Variants in LMLN observed in about 807,000 individuals in gnomAD.
The protein encoded by LMLN is leishmanolysin like peptidase.
LMLN carries 70 observed loss-of-function variants against 92.3 expected under a neutral mutation model. That is an observed-to-expected ratio of 0.76 (90% CI 0.63 to 0.92). The LOEUF (loss-of-function observed/expected upper bound fraction) is 0.92. Ranked by LOEUF, LMLN falls within the 40% of genes least tolerant of loss-of-function variation. The probability of loss-of-function intolerance (pLI) is 0.00; values close to 1 mark genes in which losing one functional copy is unlikely to be tolerated. For synonymous variants in LMLN, 308 were observed against 296.2 expected (o/e 1.04, Z -0.41); for missense variants, 691 against 814.6 (o/e 0.85, Z 1.85).
chr3:197,975,385 C>T (rs1721341157), intron 3 of LMLN, among the ~76,000 whole-genome samples: 1 of 152,152 alleles, frequency 6.6e-6, no homozygotes, highest in Admixed American at 6.5e-5. Context: ...AACACATTGA[C>T]AACACTGTTC....
At chr3:198,033,227 C>T (rs1167556561) in intron 14 of LMLN, among the ~76,000 whole-genome samples, 1 of 152,128 alleles carries the variant, frequency 6.6e-6, no homozygotes, top group Non-Finnish European at 1.5e-5. Context: ...TAACATCTGC[C>T]CGGCAGTAGT....
intron 9 of LMLN, 54 bp from the exon 10 acceptor site, chr3:197,996,121 A>T (rs769829740): frequency 5.3e-6 from 5 of 946,306 alleles, no homozygotes; most frequent in Non-Finnish European, 7.8e-6. Flanking sequence ...GTTTGCTGTT[A>T]TCTTACGGTA....
intron 8 of LMLN, among the ~76,000 whole-genome samples, chr3:197,989,211 A>G (rs1360679424): frequency 2.0e-5 from 3 of 152,134 alleles, no homozygotes; most frequent in Non-Finnish European, 2.9e-5. Flanking sequence ...AACGCACCAC[A>G]CCGCTCCTGT....
At chr3:197,960,965 T>A (rs142812897) in intron 1 of LMLN, among the ~76,000 whole-genome samples, 149 of 152,272 alleles carry the variant, frequency 9.8e-4, no homozygotes, top group African/African-American at 3.3e-3. Context: ...TCACGTTATG[T>A]CGTCACTTTG....
At position 197,989,690 on chromosome 3, in the gene LMLN, T is replaced by C. The variant is rs74595608; in HGVS notation, c.930-869T>C. On this transcript the variant is annotated intron_variant, in intron 8 of 15. Coordinates refer to ENST00000330198, the Ensembl canonical transcript of LMLN. The stretch of plus-strand genomic sequence containing the variant: ...TGTCTCTTTATCTGCAAAATAGTGA[T>C]GATAATCTCATAGGGTTGTTGAAAA... Among the ~76,000 whole-genome samples, 85 of 152,328 alleles carry C rather than the reference T, an allele frequency of 5.6e-4. No homozygotes were observed. In the East Asian group the frequency reaches 0.011, roughly 19 times the overall value.
rs771278671 is a variant in LMLN at position 197,960,270 on chromosome 3, G to A, written c.49G>A (p.Val17Met). The change falls in exon 1 of 16, where the codon GTG becomes ATG. Residue 17 changes from valine to methionine, a missense_variant. By Grantham distance (21) the Val-to-Met change is conservative. Around this residue, in one of 4 missense-constraint regions of LMLN, gnomAD observed 91 missense variants for 52.5 expected, o/e 1.73. Coordinates refer to ENST00000330198, the Ensembl canonical transcript of LMLN. ...GATGGCGGCCGAATGGGGCGGAGGA[G>A]TGGGTTACTCGGGCTCAGGCCCGGG... The A allele has an allele frequency of 5.6e-6, 9 of 1,613,372 alleles. No homozygotes were observed. The African/African-American group carries it at 1.2e-4, about 22-fold the overall frequency.
chr3:197,967,260 T>C (rs1721084867), intron 1 of LMLN, among the ~76,000 whole-genome samples: 1 of 152,248 alleles, frequency 6.6e-6, no homozygotes, highest in Non-Finnish European at 1.5e-5. Flanking sequence ...CCCCAATATT[T>C]CAAAGTAGGT....
intron 13 of LMLN, among the ~76,000 whole-genome samples, 197 bp from the exon 15 acceptor site, chr3:198,024,461 C>T (rs1436721992): frequency 3.3e-5 from 5 of 152,162 alleles, no homozygotes; most frequent in Non-Finnish European, 7.3e-5. Context: ...GTGATCTGCC[C>T]ACCTCAGCCT....
chr3:197,973,764 A>T (rs1721294618), intron 1 of LMLN, among the ~76,000 whole-genome samples: 1 of 152,256 alleles, frequency 6.6e-6, no homozygotes, highest in Non-Finnish European at 1.5e-5. Context: ...ATCTGCAGAA[A>T]TAGTATAAAA....
chr3:197,978,718 C>T (rs969455478), intron 5 of LMLN, among the ~76,000 whole-genome samples: 3 of 152,132 alleles, frequency 2.0e-5, no homozygotes, highest in African/African-American at 4.8e-5. Context: ...AGGTCAGGCA[C>T]GGTGGCTTAT....
intron 1 of LMLN, among the ~76,000 whole-genome samples, chr3:197,962,964 A>T (rs1720947110): frequency 6.6e-6 from 1 of 152,114 alleles, no homozygotes; most frequent in Non-Finnish European, 1.5e-5. Flanking sequence ...AGGCTCAAAG[A>T]CAGATCCATA....
At chr3:198,033,036 C>T (rs976861197) in intron 14 of LMLN, among the ~76,000 whole-genome samples, 2 of 152,120 alleles carry the variant, frequency 1.3e-5, no homozygotes, top group South Asian at 2.1e-4. Context: ...GATTTTGATC[C>T]AGCTTTCCTG....
At chr3:197,966,661 T>C (rs1721069418) in intron 1 of LMLN, among the ~76,000 whole-genome samples, 1 of 121,888 alleles carries the variant, frequency 8.2e-6, no homozygotes, top group South Asian at 2.3e-4. Flanking sequence ...TGAGTTACAT[T>C]GATTGATTTT....
intron 14 of LMLN, among the ~76,000 whole-genome samples, chr3:198,029,601 A>C (rs1465187664): frequency 6.6e-6 from 1 of 152,108 alleles, no homozygotes; most frequent in East Asian, 1.9e-4. Context: ...TGAACCTGGG[A>C]GATGGAGGTT....
chr3:197,972,378 A>G (rs11924426), intron 1 of LMLN, among the ~76,000 whole-genome samples: 2,008 of 152,164 alleles, frequency 0.013, 45 homozygotes, highest in African/African-American at 0.045. Flanking sequence ...TGAATTTTTC[A>G]TTTTAATTGT....
intron 9 of LMLN, among the ~76,000 whole-genome samples, chr3:197,994,885 CAA>C (rs879404950): frequency 6.6e-6 from 1 of 152,188 alleles, no homozygotes; most frequent in Non-Finnish European, 1.5e-5. Flanking sequence ...ATCAGTTTGT[CAA>C]AGAGATGTTT....
At chr3:198,040,676 C>T (rs1388364200) in exon 16 of LMLN, 1 of 83,644 alleles carries the variant, frequency 1.2e-5, no homozygotes, top group Non-Finnish European at 2.1e-5. Context: ...CCTCCTACTC[C>T]TCCATGGCAT....
At chr3:198,035,833 G>C (rs551926679) in exon 15 of LMLN, 1 of 1,611,104 alleles carries the variant, frequency 6.2e-7, no homozygotes, top group East Asian at 2.2e-5. Flanking sequence ...CTGTTTGAAG[G>C]TTTCTTGTTC....
At chr3:198,021,422 G>C in intron 12 of LMLN, 24 bp from the exon 14 acceptor site, 1 of 1,608,644 alleles carries the variant, frequency 6.2e-7, no homozygotes, top group Non-Finnish European at 8.5e-7. Flanking sequence ...TTACTTTCTT[G>C]TCTTCCCAAT....
Sources: gnomAD v4.1 joint callset for allele counts (sites outside exome capture counted in the v4.1 genomes callset) on GRCh38, gnomAD v4.1.1 for gene constraint, gnomAD v4.1.1 regional missense constraint, MANE v1.5 for transcripts, NCBI Gene and HGNC (gene_info 2026-07-23, HGNC 2026-07-21) for gene names.